Variants in ADGRA3 observed in about 807,000 individuals in gnomAD.
ADGRA3 encodes adhesion G protein-coupled receptor A3, also known as G-protein coupled receptor 125.
Under a neutral mutation model 119.8 loss-of-function variants are expected in ADGRA3, and 56 were observed. The observed-to-expected ratio is 0.47, with a 90% confidence interval of 0.38 to 0.58. The LOEUF is 0.58. Among genes scored for constraint, ADGRA3 ranks in the 20% least tolerant of loss-of-function variants. The probability of loss-of-function intolerance (pLI) is 0.00; values close to 1 mark genes in which losing one functional copy is unlikely to be tolerated. For missense variants in ADGRA3, 1,516 were observed against 1,649.0 expected (o/e 0.92, Z 1.40); for synonymous variants, 607 against 623.8 (o/e 0.97, Z 0.40).
intron 1 of ADGRA3, among the ~76,000 whole-genome samples, chr4:22,480,807 T>C (rs1191416081): frequency 1.3e-5 from 2 of 152,206 alleles, no homozygotes; most frequent in Non-Finnish European, 2.9e-5. Flanking sequence ...ACCAGAAAGA[T>C]GCAGTGTTGT....
chr4:22,392,744 T>G, intron 16 of ADGRA3, 54 bp from the exon 17 acceptor site: 1 of 1,528,318 alleles, frequency 6.5e-7, no homozygotes, highest in Admixed American at 2.0e-5. Context: ...CTACTAAGGC[T>G]TACCTCAAAA....
intron 4 of ADGRA3, among the ~76,000 whole-genome samples, chr4:22,448,577 T>C (rs28736882): frequency 0.14 from 20,952 of 152,138 alleles, 1,510 homozygotes; most frequent in South Asian, 0.23. Context: ...GAGTGACCAT[T>C]GGGCAGATGC....
chr4:22,464,797 C>T (rs1278872160), intron 2 of ADGRA3, among the ~76,000 whole-genome samples: 2 of 152,236 alleles, frequency 1.3e-5, no homozygotes, highest in East Asian at 3.9e-4. Flanking sequence ...TCCTTGCTGG[C>T]TCCCAGCAGT....
At chr4:22,401,194 G>A (rs1431539051) in intron 16 of ADGRA3, among the ~76,000 whole-genome samples, 2 of 152,086 alleles carry the variant, frequency 1.3e-5, no homozygotes, top group African/African-American at 4.8e-5. Flanking sequence ...TAGCCATAAC[G>A]TGTAACACTA....
intron 8 of ADGRA3, 118 bp downstream of exon 8, chr4:22,438,138 T>C (rs1368096419): frequency 2.2e-5 from 16 of 718,898 alleles, no homozygotes; most frequent in Non-Finnish European, 7.1e-6. Flanking sequence ...AGGGTAGTCC[T>C]CAGACATGTG....
intron 12 of ADGRA3, among the ~76,000 whole-genome samples, chr4:22,415,183 C>G (rs982499547): frequency 6.6e-6 from 1 of 152,050 alleles, no homozygotes; most frequent in Non-Finnish European, 1.5e-5. Flanking sequence ...TTAATAGTTC[C>G]TACCACTTGC....
intron 16 of ADGRA3, chr4:22,398,241 G>C: frequency 9.2e-6 from 5 of 543,838 alleles, no homozygotes; most frequent in Non-Finnish European, 1.2e-5. Context: ...TATATGCCTG[G>C]TACTCTTGAG....
intron 1 of ADGRA3, chr4:22,514,625 G>T (rs1353731696): frequency 6.6e-6 from 1 of 152,110 alleles, no homozygotes; most frequent in Non-Finnish European, 1.5e-5. Flanking sequence ...CGAGCCAAGG[G>T]ACTCACATTT....
At chr4:22,460,774 G>A (rs61792031) in intron 3 of ADGRA3, among the ~76,000 whole-genome samples, 2,568 of 152,224 alleles carry the variant, frequency 0.017, 22 homozygotes, top group Middle Eastern at 0.048. Context: ...AAGGGTAGAG[G>A]GAAAATTATT....
At chr4:22,486,605 T>G (rs559128248) in intron 1 of ADGRA3, among the ~76,000 whole-genome samples, 33 of 152,280 alleles carry the variant, frequency 2.2e-4, no homozygotes, top group African/African-American at 7.7e-4. Flanking sequence ...GGGAGGCAGA[T>G]GCAGGGGAAC....
intron 4 of ADGRA3, among the ~76,000 whole-genome samples, chr4:22,449,145 T>C (rs1161485689): frequency 6.6e-6 from 1 of 151,554 alleles, no homozygotes; most frequent in African/African-American, 2.4e-5. Context: ...TGGTGTGTGC[T>C]TGTCATCCCA....
chr4:22,495,541 T>C lies in ADGRA3; in HGVS notation c.257+19987A>G, dbSNP rs138398193. On this transcript the variant is annotated intron_variant, in intron 1 of 18. Coordinates refer to ENST00000334304, the MANE Select transcript of ADGRA3 (RefSeq NM_145290.4). ...AAAAAGGAAAACAAACAAGGACTTA[T>C]CTTGGCCTTCCTGGATAAAGTGACT... Among the ~76,000 whole-genome samples the C allele has an allele frequency of 6.4e-4, 97 of 152,210 alleles. 4 individuals are homozygous for C. The highest frequency in any genetic ancestry group is 2.2e-3 in the African/African-American group (90 of 41,438).
intron 14 of ADGRA3, among the ~76,000 whole-genome samples, chr4:22,405,027 T>C (rs1235350847): frequency 6.6e-6 from 1 of 152,198 alleles, no homozygotes; most frequent in Non-Finnish European, 1.5e-5. Context: ...TTACCAGCTA[T>C]AAGACTTGAG....
At chr4:22,475,390 T>A (rs1483535287) in intron 1 of ADGRA3, among the ~76,000 whole-genome samples, 1 of 152,162 alleles carries the variant, frequency 6.6e-6, no homozygotes, top group Non-Finnish European at 1.5e-5. Context: ...ACATGGTATG[T>A]TATCACTCCC....
At chr4:22,439,707 A>T (rs951082754) in intron 7 of ADGRA3, among the ~76,000 whole-genome samples, 1 of 152,216 alleles carries the variant, frequency 6.6e-6, no homozygotes, top group African/African-American at 2.4e-5. Flanking sequence ...AGAGTTTGAC[A>T]TTAAATTTAA....
chr4:22,452,557 A>T (rs1426276343), intron 4 of ADGRA3, among the ~76,000 whole-genome samples: 4 of 152,214 alleles, frequency 2.6e-5, no homozygotes, highest in Non-Finnish European at 2.9e-5. Flanking sequence ...TGATGTATAC[A>T]TTCTCATAAC....
At chr4:22,467,830 G>C (rs1022911808) in intron 2 of ADGRA3, among the ~76,000 whole-genome samples, 2 of 152,046 alleles carry the variant, frequency 1.3e-5, no homozygotes, top group Admixed American at 1.3e-4. Context: ...GGCTAAATCT[G>C]AATACATTGG....
Position 22,487,422 on chromosome 4 carries a change from G to A in ADGRA3, c.258-13579C>T, listed in dbSNP as rs1718468487. On this transcript the variant is annotated intron_variant, in intron 1 of 18. Transcript: ENST00000334304. ...CACAATAGGGTTCATACTCCTGTGA[G>A]AATTCTTAACGCTCAGCTGATCTGA... Among the ~76,000 whole-genome samples, 6 of 152,160 alleles carry A rather than the reference G, an allele frequency of 3.9e-5. 1 individual carries two copies. Among genetic ancestry groups the A allele is most frequent in the Admixed American group, 3.9e-4 (6 of 15,270 alleles).
At chr4:22,491,426 T>G (rs1718619795) in intron 1 of ADGRA3, among the ~76,000 whole-genome samples, 1 of 152,234 alleles carries the variant, frequency 6.6e-6, no homozygotes, top group African/African-American at 2.4e-5. Context: ...TTGGCAAAGA[T>G]ACTCTCGACC....
Sources: gnomAD v4.1 joint callset for allele counts (sites outside exome capture counted in the v4.1 genomes callset) on GRCh38, gnomAD v4.1.1 for gene constraint, MANE v1.5 for transcripts, NCBI Gene and HGNC (gene_info 2026-07-23, HGNC 2026-07-21) for gene names.